TACC3: variants seen among roughly 807,000 people sequenced by gnomAD.
The protein encoded by TACC3 is transforming acidic coiled-coil containing protein 3.
In TACC3, 52 loss-of-function variants were observed where a neutral mutation model predicts 86.0. That is an observed-to-expected ratio of 0.60 (90% CI 0.48 to 0.76). The LOEUF is 0.76. TACC3 is among the 30% of genes least tolerant of loss of function. TACC3 has a pLI of 0.00. For missense variants in TACC3, 1,120 were observed against 1,070.4 expected, an observed-to-expected ratio of 1.05 and a Z score of -0.65; for synonymous variants, 512 against 430.0, an observed-to-expected ratio of 1.19 and a Z score of -2.36.
Position 1,735,748 on chromosome 4 carries a change from G to A in TACC3, c.1662G>A (p.Leu554=). ...FGTSSFKESA[L]RKQSLYLKFD... ...GTCCCCAGTTTAAGGAGTCGGCCTT[G>A]AGGAAGCAGTCCTTATACCTCAAGT... The change falls in exon 8 of 16, where the codon TTG becomes TTA. Residue 554 remains leucine (L), a synonymous_variant. Transcript: ENST00000313288. The surrounding 1 kb of genome is among the most constrained non-coding windows in gnomAD (Gnocchi z 4.2). The A allele has an allele frequency of 6.2e-7, 1 of 1,613,226 alleles. No individual in the cohort carries two copies. Among genetic ancestry groups the A allele is most frequent in the Non-Finnish European group, 8.5e-7 (1 of 1,179,834 alleles).
chr4:1,735,182 C>G lies in TACC3; in HGVS notation c.1592-91C>G. 6.5e-7 allele frequency: 1 copy of G among 1,527,740 alleles called. No individual in the cohort carries two copies. Among genetic ancestry groups the G allele is most frequent in the Non-Finnish European group, 9.0e-7 (1 of 1,106,994 alleles). The allele number at this position is 1,527,740 out of a possible 1,614,324, so 94.6% of individuals were successfully genotyped here. A position where few individuals can be genotyped will look rare whatever the true frequency, so the allele number is the denominator to read the frequency against. ...GGAAATACTGCTGGCTGGAATGATC[C>G]TGCCTCACTGAGTGCTGAGGGAGAC... is the stretch of plus-strand genomic sequence containing the variant. On this transcript the variant is annotated intron_variant, in intron 6 of 15. Coordinates refer to ENST00000313288, the MANE Select transcript of TACC3 (RefSeq NM_006342.3). This position sits in a 1 kb window ranked among gnomAD's most constrained non-coding sequence, Gnocchi z 4.2.
rs757251304 is a variant in TACC3 at position 1,728,187 on chromosome 4, G to C, written c.785G>C (p.Gly262Ala). The change falls in exon 4 of 16, where the codon GGA (glycine) becomes GCA (alanine). Residue 262 changes from glycine to alanine, a missense_variant. Coordinates refer to ENST00000313288, the MANE Select transcript of TACC3 (RefSeq NM_006342.3). ...PGAIPKEACGGAPLQGLPGEA... is the reference protein window; with the variant it reads ...PGAIPKEACGAAPLQGLPGEA... ...GCAATCCCTAAGGAAGCCTGCGGAGGAGCACCCCTGCAGGGTCTGCCTGGC... is the reference window on the plus strand; with the variant it reads ...GCAATCCCTAAGGAAGCCTGCGGAGCAGCACCCCTGCAGGGTCTGCCTGGC... 2.5e-6 allele frequency: 4 copies of C among 1,611,768 alleles called. No homozygotes were observed. The African/African-American group carries it at 4.0e-5, about 16-fold the overall frequency.
intron 3 of TACC3, 53 bp downstream of exon 3, chr4:1,723,923 G>C: frequency 1.3e-6 from 2 of 1,595,028 alleles, no homozygotes; most frequent in Non-Finnish European, 1.7e-6. Flanking sequence ...CTGTCCGATG[G>C]TTCTTGCAGG....
intron 10 of TACC3, chr4:1,739,248 C>T (rs974170255): frequency 6.0e-4 from 94 of 156,794 alleles, no homozygotes; most frequent in Non-Finnish European, 1.0e-3. Flanking sequence ...GCGGAGCTTG[C>T]AGCAAGCAGA....
In TACC3 at chr4:1,744,845, A is replaced by C; in HGVS notation, c.2451+13A>C. Reference sequence around the variant, plus strand: ...AGTGGAGCAGAAGGTGGGTGCGGGAAGCCCAGCTCAAGGGGCCGTCTGGCA... The same window carrying C: ...AGTGGAGCAGAAGGTGGGTGCGGGACGCCCAGCTCAAGGGGCCGTCTGGCA... On this transcript the variant is annotated intron_variant, in intron 15 of 15. Transcript: ENST00000313288. The C allele has an allele frequency of 6.2e-7, 1 of 1,612,958 alleles. No homozygotes were observed. Among genetic ancestry groups the C allele is most frequent in the South Asian group, 1.1e-5 (1 of 91,082 alleles).
In TACC3 at chr4:1,744,630, T is replaced by G. The variant is rs1375970085; in HGVS notation, c.2330+6T>G. ...GCGGAGGAGAAGCTGCAGCTGTGAG[T>G]GCTGGGCGAGGCCCCACCCTGGAGG... On this transcript the variant is annotated splice_donor_region_variant and intron_variant, in intron 14 of 15. Coordinates refer to ENST00000313288, the MANE Select transcript of TACC3 (RefSeq NM_006342.3). The G allele has an allele frequency of 6.2e-7, 1 of 1,612,712 alleles. No homozygotes were observed. Among genetic ancestry groups the G allele is most frequent in the African/African-American group, 1.3e-5 (1 of 74,920 alleles).
upstream of TACC3, chr4:1,720,717 G>C: frequency 6.4e-7 from 1 of 1,560,944 alleles, no homozygotes; most frequent in African/African-American, 1.4e-5. This position sits in a 1 kb window ranked among gnomAD's most constrained non-coding sequence, Gnocchi z 4.4. Flanking sequence ...TCGCTGCCCA[G>C]CCAGCCCGAC....
At chr4:1,734,740 A>G (rs1239214070) in intron 6 of TACC3, among the ~76,000 whole-genome samples, 1 of 151,698 alleles carries the variant, frequency 6.6e-6, no homozygotes, top group Non-Finnish European at 1.5e-5. Context: ...GCATAATCTC[A>G]GCTCAGTGCA....
At position 1,735,375 on chromosome 4, in the gene TACC3, C is replaced by T. The variant is rs754746272; in HGVS notation, c.1644+50C>T. The T allele has an allele frequency of 6.2e-7, 1 of 1,608,840 alleles. No individual in the cohort carries two copies. ...GCCTCACCCACAGGGTGTCCGAGAG[C>T]AGCCACGGCAGGTCTTGCCCCCGGA... On this transcript the variant is annotated intron_variant, in intron 7 of 15. Transcript: ENST00000313288. The surrounding 1 kb of genome is among the most constrained non-coding windows in gnomAD (Gnocchi z 4.2).
rs1718789563 is a variant in TACC3 at position 1,745,134 on chromosome 4, G to C, written c.*121G>C. The C allele has an allele frequency of 5.7e-6, 6 of 1,061,466 alleles. No homozygotes were observed. Among genetic ancestry groups the C allele is most frequent in the Non-Finnish European group, 8.1e-6 (6 of 738,134 alleles). The allele number at this position is 1,061,466 out of a possible 1,614,324, so 65.8% of individuals were successfully genotyped here. A position where few individuals can be genotyped will look rare whatever the true frequency, so the allele number is the denominator to read the frequency against. Reference sequence around the variant, plus strand: ...ACTTTTTTAAAAACTAGATTGCTTTGAAAACATGACTCAATAAAAGTTTCC... The same window carrying C: ...ACTTTTTTAAAAACTAGATTGCTTTCAAAACATGACTCAATAAAAGTTTCC... On this transcript the variant is annotated 3_prime_UTR_variant, in exon 16 of 16. Transcript: ENST00000313288.
intron 10 of TACC3, 30 bp downstream of exon 10, chr4:1,737,732 G>C: frequency 6.5e-7 from 1 of 1,539,880 alleles, no homozygotes; most frequent in Non-Finnish European, 8.8e-7. Context: ...CTATTCCACA[G>C]AACCTGCAGG....
intron 10 of TACC3, 146 bp from the exon 11 acceptor site, chr4:1,739,556 G>T: frequency 1.4e-6 from 1 of 734,208 alleles, no homozygotes; most frequent in Non-Finnish European, 2.2e-6. Context: ...AGGGTTCCCA[G>T]GGTCCCACTG....
At position 1,728,128 on chromosome 4, in the gene TACC3, T is replaced by C. The variant is rs1242024651; in HGVS notation, c.726T>C (p.Cys242=). The C allele has an allele frequency of 6.2e-7, 1 of 1,611,962 alleles. No homozygotes were observed. Among genetic ancestry groups the C allele is most frequent in the Non-Finnish European group, 8.5e-7 (1 of 1,179,644 alleles). ...AEEECRHGGV[C]APAAVATSPP... ...AGGAATGCCGGCACGGTGGGGTCTGTGCTCCCGCAGCAGTGGCCACTTCGC... is the reference window on the plus strand; with the variant it reads ...AGGAATGCCGGCACGGTGGGGTCTGCGCTCCCGCAGCAGTGGCCACTTCGC... The change falls in exon 4 of 16, where the codon TGT becomes TGC. Residue 242 remains cysteine, a synonymous_variant. Transcript: ENST00000313288.
chr4:1,731,385 A>G (rs866197698), intron 6 of TACC3, 84 bp downstream of exon 6: 6 of 1,494,260 alleles, frequency 4.0e-6, no homozygotes, highest in Middle Eastern at 2.3e-4. Context: ...CACCTGCATC[A>G]TCGGCAGGTG....
At position 1,731,313 on chromosome 4, in the gene TACC3, G is replaced by T; in HGVS notation, c.1591+12G>T. On this transcript the variant is annotated intron_variant, in intron 6 of 15. Transcript: ENST00000313288. ...AGACCCCGCTGAGGGTACGTTGCCT[G>T]GCACAGACGTCACACACAGTCTGCC... is the stretch of plus-strand genomic sequence containing the variant. 6.2e-7 allele frequency: 1 copy of T among 1,612,610 alleles called. No homozygotes were observed. The highest frequency in any genetic ancestry group is 1.1e-5 in the South Asian group (1 of 91,030).
chr4:1,720,759 G>A, upstream of TACC3: 2 of 1,587,954 alleles, frequency 1.3e-6, no homozygotes, highest in Non-Finnish European at 1.7e-6. The surrounding 1 kb of genome is among the most constrained non-coding windows in gnomAD (Gnocchi z 4.4). Flanking sequence ...CCCGCCGCGT[G>A]GAACTCGTTG....
In TACC3 at chr4:1,736,583, G is replaced by A. The variant is rs538392885; in HGVS notation, c.1749-658G>A. ...ACTTTCACACTACAAGGCCAGAACT[G>A]AGTAGTGTGACAGAGGCTGTGTGGC... On this transcript the variant is annotated intron_variant, in intron 8 of 15. Coordinates refer to ENST00000313288, the MANE Select transcript of TACC3 (RefSeq NM_006342.3). Among the ~76,000 whole-genome samples the A allele has an allele frequency of 2.0e-5, 3 of 152,246 alleles. No individual in the cohort carries two copies. The South Asian group carries it at 6.2e-4, about 32-fold the overall frequency.
At chr4:1,742,874 A>C (rs1376472200) in intron 13 of TACC3, among the ~76,000 whole-genome samples, 2 of 150,968 alleles carry the variant, frequency 1.3e-5, no homozygotes, top group African/African-American at 4.9e-5. Flanking sequence ...AAACTGAGAC[A>C]GAAAATCATT....
At chr4:1,738,479 C>T (rs1204897634) in intron 10 of TACC3, 1 of 153,048 alleles carries the variant, frequency 6.5e-6, no homozygotes, top group East Asian at 1.9e-4. Flanking sequence ...GTGGCTGGCC[C>T]CCTCCTCTGC....
Sources: gnomAD v4.1 joint callset for allele counts (sites outside exome capture counted in the v4.1 genomes callset) on GRCh38, gnomAD v4.1.1 for gene constraint, Gnocchi (gnomAD v3.1) non-coding constraint, MANE v1.5 for transcripts, NCBI Gene and HGNC (gene_info 2026-07-23, HGNC 2026-07-21) for gene names.